The following TTLL8 variants were observed in gnomAD, a reference collection of about 807,000 sequenced individuals.
TTLL8 encodes tubulin tyrosine ligase like 8, also known as protein monoglycylase TTLL8.
In TTLL8, 65 loss-of-function variants were observed where a neutral mutation model predicts 77.8. That is an observed-to-expected ratio of 0.84 (90% confidence interval 0.68 to 1.03). The LOEUF (loss-of-function observed/expected upper bound fraction) is 1.03, where lower values mean the gene tolerates loss of function less well. TTLL8 is among the 50% of genes least tolerant of loss of function. TTLL8 has a pLI of 0.00. For missense variants in TTLL8, 910 were observed against 1,004.5 expected (o/e 0.91, Z 1.27); for synonymous variants, 402 against 422.8 (o/e 0.95, Z 0.60).
At position 50,043,142 on chromosome 22, in the gene TTLL8, A is replaced by T. The variant is rs200590882; in HGVS notation, c.644-1335T>A. 7.6e-3 allele frequency among the ~76,000 whole-genome samples: 970 copies of T among 127,984 alleles called. 12 individuals are homozygous for T. Among genetic ancestry groups the T allele is most frequent in the African/African-American group, 0.026 (895 of 34,388 alleles). 84.0% of individuals were successfully genotyped at this position (127,984 alleles called of 152,430 possible). ...AAACAGTGGTGCCGAGACGTCCTTC[A>T]GTAGATGGATAGATAGATAAACAGT... On this transcript the variant is annotated intron_variant, in intron 6 of 13. Transcript: ENST00000266182.
exon 3 of TTLL8, chr22:50,049,255 G>T (rs776077144): frequency 2.2e-6 from 3 of 1,367,560 alleles, no homozygotes; most frequent in African/African-American, 1.5e-5. Flanking sequence ...GTACCATCAC[G>T]TCGTGGATGT....
At position 50,041,559 on chromosome 22, in the gene TTLL8, G is replaced by A. The variant is rs1282180823; in HGVS notation, c.830+62C>T. On this transcript the variant is annotated intron_variant, in intron 7 of 13. Transcript: ENST00000266182. The surrounding 1 kb of genome is among the most constrained non-coding windows in gnomAD (Gnocchi z 4.3). The stretch of plus-strand genomic sequence containing the variant: ...CAGTTCCCAGAGGCTGCACTGCCCC[G>A]GCAGCTCCTGCAATCTGCACTCACA... 12 of 1,269,952 alleles carry A rather than the reference G, an allele frequency of 9.4e-6. 1 individual carries two copies. The highest frequency in any genetic ancestry group is 6.2e-5 in the African/African-American group (4 of 64,766). The allele number at this position is 1,269,952 out of a possible 1,614,324, so 78.7% of individuals were successfully genotyped here.
chr22:50,031,796 G>A, exon 11 of TTLL8: 1 of 1,366,854 alleles, frequency 7.3e-7, no homozygotes, highest in Non-Finnish European at 9.8e-7. Context: ...GGCGTGGACG[G>A]GTGCATGGTG....
At chr22:50,032,239 T>C (rs2061302042) in intron 10 of TTLL8, 130 bp from the exon 12 acceptor site, 1 of 971,804 alleles carries the variant, frequency 1.0e-6, no homozygotes, top group South Asian at 1.5e-5. Context: ...ACTCCAACCC[T>C]CTGCTGGAGG....
At chr22:50,047,995 G>C (rs2061422829) in intron 3 of TTLL8, among the ~76,000 whole-genome samples, 1 of 152,160 alleles carries the variant, frequency 6.6e-6, no homozygotes, top group African/African-American at 2.4e-5. Context: ...TACTCCGGAG[G>C]CTGAGGCAGG....
At chr22:50,056,891 A>G (rs1232459277), upstream of TTLL8, 1 of 1,289,574 alleles carries the variant, frequency 7.8e-7, no homozygotes, top group African/African-American at 1.5e-5. The surrounding 1 kb of genome is among the most constrained non-coding windows in gnomAD (Gnocchi z 4.1). Flanking sequence ...TCCCGTCTCC[A>G]TCTGAAGAAG....
At chr22:50,021,106 GCACTCTTCCATCTGACATT>G (rs1227771553) in intron 12 of TTLL8, among the ~76,000 whole-genome samples, 1 of 142,734 alleles carries the variant, frequency 7.0e-6, no homozygotes, top group Non-Finnish European at 1.5e-5. Context: ...CATCTGATGT[GCACTCTTCCATCTGACATT>G]CACTCCTCCA....
At chr22:50,045,031 C>T (rs1056484927) in intron 6 of TTLL8, among the ~76,000 whole-genome samples, 2 of 152,126 alleles carry the variant, frequency 1.3e-5, no homozygotes, top group African/African-American at 2.4e-5. Flanking sequence ...CCCAGGGCTG[C>T]GTTAACTGCC....
chr22:50,031,524 G>T (rs1210406975), intron 11 of TTLL8, 162 bp downstream of exon 12: 7 of 982,006 alleles, frequency 7.1e-6, no homozygotes, highest in Non-Finnish European at 1.2e-6. Context: ...GGGCAGGCCT[G>T]GGCCCTCAGC....
At chr22:50,033,297 G>A (rs1243817140) in exon 10 of TTLL8, 1 of 1,364,204 alleles carries the variant, frequency 7.3e-7, no homozygotes, top group Non-Finnish European at 9.8e-7. Flanking sequence ...CCGTGACGAG[G>A]AACCACTGTC....
chr22:50,046,806 G>A (rs1448732555), intron 4 of TTLL8, among the ~76,000 whole-genome samples: 1 of 152,230 alleles, frequency 6.6e-6, no homozygotes, highest in African/African-American at 2.4e-5. Context: ...GAGGCCGGGG[G>A]AGGCGGGGGA....
At chr22:50,042,013 G>A (rs1416362021) in intron 6 of TTLL8, among the ~76,000 whole-genome samples, 1 of 152,210 alleles carries the variant, frequency 6.6e-6, no homozygotes, top group African/African-American at 2.4e-5. Flanking sequence ...TCACGCCTGT[G>A]TCTGGGCAGG....
At chr22:50,031,727 G>A (rs373144455) in exon 11 of TTLL8, 62 of 1,341,388 alleles carry the variant, frequency 4.6e-5, no homozygotes, top group East Asian at 9.5e-5. Context: ...TCACAGCTGC[G>A]GTCCACGGCC....
Position 50,041,311 on chromosome 22 carries a change from G to A in TTLL8, c.831-34C>T, listed in dbSNP as rs772104096. 2 of 508,466 alleles carry A rather than the reference G, an allele frequency of 3.9e-6. No homozygotes were observed. Among genetic ancestry groups the A allele is most frequent in the Admixed American group, 4.8e-5 (2 of 41,802 alleles). 31.5% of individuals were successfully genotyped at this position (508,466 alleles called of 1,614,324 possible). On this transcript the variant is annotated intron_variant, in intron 7 of 13. Transcript: ENST00000266182. The surrounding 1 kb of genome is among the most constrained non-coding windows in gnomAD (Gnocchi z 4.3). ...GTATCATCCTCTCAACAGTCATCAGGGTCCTGGTGGGACAGGCAACAGAGG... is the reference window on the plus strand; with the variant it reads ...GTATCATCCTCTCAACAGTCATCAGAGTCCTGGTGGGACAGGCAACAGAGG...
At chr22:50,057,941 T>TG (rs1298549654), upstream of TTLL8, among the ~76,000 whole-genome samples, 1 of 147,298 alleles carries the variant, frequency 6.8e-6, no homozygotes, top group Non-Finnish European at 1.5e-5. Flanking sequence ...GCAGGTTTAG[T>TG]GGGGGAGTTC....
chr22:50,030,548 G>A lies in TTLL8; in HGVS notation c.2085C>T (p.Pro695=), dbSNP rs201070847. 1.5e-4 allele frequency: 200 copies of A among 1,320,050 alleles called. 1 individual carries two copies. Among genetic ancestry groups the A allele is most frequent in the Admixed American group, 8.0e-4 (36 of 45,100 alleles). The allele number at this position is 1,320,050 out of a possible 1,614,324, so 81.8% of individuals were successfully genotyped here. A position where few individuals can be genotyped will look rare whatever the true frequency, so the allele number is the denominator to read the frequency against. The change falls in exon 12 of 14, where the codon CCC becomes CCT. Residue 695 remains proline, a synonymous_variant. Coordinates refer to ENST00000266182, the Ensembl canonical transcript of TTLL8. The stretch of plus-strand genomic sequence containing the variant: ...CCCAGCTTTTGGCGGGCTGGGCTAC[G>A]GGGACACCGGTGTTTGGGGCCTGAC...
intron 4 of TTLL8, 121 bp from the exon 7 acceptor site, chr22:50,046,091 C>T (rs1410531474): frequency 1.1e-6 from 1 of 872,004 alleles, no homozygotes; most frequent in Non-Finnish European, 1.6e-6. Flanking sequence ...ACACAGCACC[C>T]CTAGGGCGGA....
In TTLL8 at chr22:50,041,204, T is replaced by TG. The variant is rs758780999; in HGVS notation, c.903dup (p.Thr302HisfsTer13). 2.2e-6 allele frequency: 1 copy of TG among 461,604 alleles called. No homozygotes were observed. The highest frequency in any genetic ancestry group is 4.3e-6 in the Non-Finnish European group (1 of 233,872). 28.6% of individuals were successfully genotyped at this position (461,604 alleles called of 1,614,324 possible). On this transcript the variant is annotated frameshift_variant, in exon 8 of 14. Coordinates refer to ENST00000266182, the Ensembl canonical transcript of TTLL8. LOFTEE classifies it high-confidence loss of function. This position sits in a 1 kb window ranked among gnomAD's most constrained non-coding sequence, Gnocchi z 4.3. ...AACCCCACCTGCCTGTCTCGGGCTG[T>TG]GGGGGGCTCAAATGACATCATAACC...
chr22:50,055,322 A>G (rs1468857286), upstream of TTLL8: 1 of 1,289,908 alleles, frequency 7.8e-7, no homozygotes, highest in South Asian at 1.2e-5. Flanking sequence ...TCCTTGTTTT[A>G]ATTCTGCAAA....
Sources: gnomAD v4.1 joint callset for allele counts (sites outside exome capture counted in the v4.1 genomes callset) on GRCh38, gnomAD v4.1.1 for gene constraint, Gnocchi (gnomAD v3.1) non-coding constraint, MANE v1.5 for transcripts, NCBI Gene and HGNC (gene_info 2026-07-23, HGNC 2026-07-21) for gene names.